Variants in PSMA8 observed in about 807,000 individuals in gnomAD.
PSMA8 encodes proteasome 20S subunit alpha 8, also known as proteasome subunit alpha-type 8.
A neutral mutation model predicts 32.4 loss-of-function variants in PSMA8; 18 were observed. That is an observed-to-expected ratio of 0.56 (90% CI 0.38 to 0.82). The LOEUF (loss-of-function observed/expected upper bound fraction) is 0.82, where lower values mean the gene tolerates loss of function less well. Ranked by LOEUF, PSMA8 falls within the 40% of genes least tolerant of loss-of-function variation. PSMA8 has a pLI of 0.00. For missense variants in PSMA8, 298 were observed against 300.7 expected (o/e 0.99, Z 0.07); for synonymous variants, 104 against 98.1 (o/e 1.06, Z -0.36).
At chr18:26,185,286 G>A (rs1302150703) in intron 6 of PSMA8, among the ~76,000 whole-genome samples, 1 of 150,320 alleles carries the variant, frequency 6.7e-6, no homozygotes, top group Non-Finnish European at 1.5e-5. Flanking sequence ...TAAAGAACAA[G>A]AAATCGTTTT....
At chr18:26,146,488 G>A (rs1040965382) in intron 2 of PSMA8, among the ~76,000 whole-genome samples, 3 of 152,176 alleles carry the variant, frequency 2.0e-5, no homozygotes, top group African/African-American at 7.2e-5. Context: ...GAAGCATCCA[G>A]GCATAGTGGC....
chr18:26,173,296 T>G (rs1264561304), intron 4 of PSMA8, among the ~76,000 whole-genome samples: 1 of 152,154 alleles, frequency 6.6e-6, no homozygotes, highest in East Asian at 1.9e-4. Context: ...TTTTAACTTT[T>G]GTTCTTCCTT....
intron 6 of PSMA8, among the ~76,000 whole-genome samples, chr18:26,183,911 C>T (rs1037422438): frequency 6.6e-6 from 1 of 150,726 alleles, no homozygotes; most frequent in African/African-American, 2.5e-5. Context: ...GCAACCACTA[C>T]CCTGATGAGT....
Position 26,158,203 on chromosome 18 carries a change from T to C in PSMA8, c.436T>C (p.Leu146=). Residue 146 remains leucine, a synonymous_variant, in exon 4 of 7, where the codon TTG becomes CTG. Coordinates refer to ENST00000415576, the MANE Select transcript of PSMA8 (RefSeq NM_001025096.2). ...VGFDDDGISR[L]YQTDPSGTYH... Reference sequence around the variant, plus strand: ...TTTTGATGATGATGGTATCTCAAGATTGTATCAGACAGATCCTTCTGGTAC... The same window carrying C: ...TTTTGATGATGATGGTATCTCAAGACTGTATCAGACAGATCCTTCTGGTAC... 6.2e-7 allele frequency: 1 copy of C among 1,610,002 alleles called. No individual in the cohort carries two copies. The highest frequency in any genetic ancestry group is 1.3e-5 in the African/African-American group (1 of 74,958).
chr18:26,158,294 A>G (rs185337398), intron 4 of PSMA8, 50 bp downstream of exon 4: 38 of 1,413,636 alleles, frequency 2.7e-5, no homozygotes, highest in Non-Finnish European at 3.4e-5. Context: ...TAAATATTCA[A>G]TGTAAATGCT....
intron 4 of PSMA8, among the ~76,000 whole-genome samples, chr18:26,175,809 T>C (rs2055259279): frequency 6.6e-6 from 1 of 152,176 alleles, no homozygotes; most frequent in Admixed American, 6.5e-5. Context: ...ATTTGTCTCT[T>C]TTAGTCTTAG....
At chr18:26,147,491 A>G (rs2055013760) in intron 2 of PSMA8, among the ~76,000 whole-genome samples, 1 of 152,202 alleles carries the variant, frequency 6.6e-6, no homozygotes. Flanking sequence ...ATAAACATTT[A>G]CATTAAAAAA....
rs550683643 is a variant in PSMA8, at chr18:26,162,727, G to A, written c.477+4483G>A. ...AAAAATACAAAAAAATTAGCCAGGC[G>A]CAGTGGCAGGCACCTGTAGTCCCAG... is the stretch of plus-strand genomic sequence containing the variant. On this transcript the variant is annotated intron_variant, in intron 4 of 6. Coordinates refer to ENST00000415576, the MANE Select transcript of PSMA8 (RefSeq NM_001025096.2). Among the ~76,000 whole-genome samples, 503 of 152,066 alleles carry A rather than the reference G, an allele frequency of 3.3e-3. 3 individuals carry two copies. Among genetic ancestry groups the A allele is most frequent in the African/African-American group, 0.011 (445 of 41,484 alleles).
At chr18:26,174,279 G>A (rs183631846) in intron 4 of PSMA8, among the ~76,000 whole-genome samples, 26 of 152,220 alleles carry the variant, frequency 1.7e-4, no homozygotes, top group Admixed American at 1.3e-3. Context: ...ATATGTTCTT[G>A]CTTATTAGTT....
chr18:26,141,560 G>T (rs757498593), intron 1 of PSMA8, among the ~76,000 whole-genome samples: 21 of 151,996 alleles, frequency 1.4e-4, no homozygotes, highest in Non-Finnish European at 2.2e-4. Context: ...TTTAACATTT[G>T]TTCATTTGAT....
rs1397045043 is a variant in PSMA8, at chr18:26,141,158, C to T, written c.103-3401C>T. Among the ~76,000 whole-genome samples the T allele has an allele frequency of 2.0e-5, 3 of 151,700 alleles. No individual in the cohort carries two copies. In the South Asian group the frequency reaches 6.2e-4, roughly 32 times the overall value. ...TTTTCTCCCTAACCATTAATTTTTG[C>T]TTTTTTCTTATTTTTCCCCTTAAGC... On this transcript the variant is annotated intron_variant, in intron 1 of 6. Transcript: ENST00000415576.
chr18:26,178,798 T>A, intron 4 of PSMA8, 32 bp from the exon 5 acceptor site: 1 of 1,594,024 alleles, frequency 6.3e-7, no homozygotes, highest in South Asian at 1.1e-5. Context: ...CCTACTGCAA[T>A]GATATTAATA....
At chr18:26,141,641 G>T (rs1316695633) in intron 1 of PSMA8, among the ~76,000 whole-genome samples, 1 of 151,212 alleles carries the variant, frequency 6.6e-6, no homozygotes, top group Non-Finnish European at 1.5e-5. Context: ...TGGATAAACT[G>T]ATAAGAAATG....
chr18:26,165,581 A>C (rs887323849), intron 4 of PSMA8, among the ~76,000 whole-genome samples: 1 of 152,114 alleles, frequency 6.6e-6, no homozygotes, highest in African/African-American at 2.4e-5. Context: ...TCCCCCCCCA[A>C]GATTGGCAAC....
intron 6 of PSMA8, among the ~76,000 whole-genome samples, chr18:26,187,200 G>T (rs1443429450): frequency 6.6e-6 from 1 of 152,122 alleles, no homozygotes; most frequent in Admixed American, 6.6e-5. Context: ...CAAAAAATTA[G>T]CCGGGTGTGA....
chr18:26,143,008 T>G (rs1485997851), intron 1 of PSMA8, among the ~76,000 whole-genome samples: 1 of 152,192 alleles, frequency 6.6e-6, no homozygotes, highest in Non-Finnish European at 1.5e-5. Flanking sequence ...CTATTTAACT[T>G]TCTTTACTGC....
At chr18:26,159,302 C>T (rs2055116742) in intron 4 of PSMA8, among the ~76,000 whole-genome samples, 1 of 152,096 alleles carries the variant, frequency 6.6e-6, no homozygotes, top group Admixed American at 6.6e-5. Flanking sequence ...GTTAACCAGG[C>T]AGTAAAGCAG....
chr18:26,184,444 C>A (rs1363594574), intron 6 of PSMA8, among the ~76,000 whole-genome samples: 2 of 150,594 alleles, frequency 1.3e-5, no homozygotes, highest in African/African-American at 4.9e-5. Flanking sequence ...TCTCCTTCCT[C>A]TATTCCTTCT....
intron 6 of PSMA8, among the ~76,000 whole-genome samples, chr18:26,188,289 T>C (rs2055372769): frequency 6.7e-6 from 1 of 150,292 alleles, no homozygotes; most frequent in Non-Finnish European, 1.5e-5. Flanking sequence ...AGTGAAAGCA[T>C]TACAAAGAAG....
Sources: allele counts gnomAD v4.1 joint callset (sites outside exome capture counted in the v4.1 genomes callset), GRCh38; gene constraint gnomAD v4.1.1; transcripts MANE v1.5; gene names NCBI Gene and HGNC (gene_info 2026-07-23, HGNC 2026-07-21).